Variants in WWOX observed in about 807,000 individuals in gnomAD.
WWOX encodes WW domain containing oxidoreductase.
Under a neutral mutation model 46.2 loss-of-function variants are expected in WWOX, and 69 were observed. The ratio of observed to expected loss-of-function variants is 1.49; its 90% confidence interval spans 1.23 to 1.82. The LOEUF (loss-of-function observed/expected upper bound fraction) is 1.82, where lower values mean the gene tolerates loss of function less well. Among genes scored for constraint, WWOX ranks in the 40% most tolerant of loss-of-function variants. The pLI is 0.00. For missense variants in WWOX, 919 were observed against 542.6 expected, an observed-to-expected ratio of 1.69 and a Z score of -6.89; for synonymous variants, 359 against 202.6, an observed-to-expected ratio of 1.77 and a Z score of -6.56.
intron 8 of WWOX, among the ~76,000 whole-genome samples, chr16:78,626,944 T>G (rs1323889591): frequency 1.3e-5 from 2 of 152,160 alleles, no homozygotes; most frequent in African/African-American, 4.8e-5. Context: ...TTGGCTCCTG[T>G]GTTCTTGTGA....
chr16:79,056,543 G>C (rs1222380288), intron 8 of WWOX, among the ~76,000 whole-genome samples: 1 of 152,068 alleles, frequency 6.6e-6, no homozygotes, highest in Admixed American at 6.6e-5. Flanking sequence ...CCAACATGTG[G>C]GGTTGGATAA....
chr16:78,416,791 A>G (rs2082806949), intron 6 of WWOX, among the ~76,000 whole-genome samples: 1 of 152,186 alleles, frequency 6.6e-6, no homozygotes, highest in Non-Finnish European at 1.5e-5. Context: ...GAGGAGAAAT[A>G]ACAATTATCT....
rs1402975035 is a variant in WWOX, at chr16:78,422,842, T to TAC, written c.606-2027_606-2026insCA. Among the ~76,000 whole-genome samples the TAC allele has an allele frequency of 2.2e-3, 170 of 76,296 alleles. 15 individuals carry two copies. Among genetic ancestry groups the TAC allele is most frequent in the African/African-American group, 8.0e-3 (139 of 17,350 alleles). 50.1% of individuals were successfully genotyped at this position (76,296 alleles called of 152,430 possible). ...ATACACACACATATATATATATACA[T>TAC]ATACACACACACACACACACACACA... On this transcript the variant is annotated intron_variant, in intron 6 of 8. Coordinates refer to ENST00000566780, the MANE Select transcript of WWOX (RefSeq NM_016373.4).
chr16:79,126,785 T>G (rs746384181), intron 8 of WWOX, among the ~76,000 whole-genome samples: 15 of 152,076 alleles, frequency 9.9e-5, no homozygotes, highest in Non-Finnish European at 1.9e-4. Flanking sequence ...TACATAAATT[T>G]AGACTCCATG....
intron 8 of WWOX, among the ~76,000 whole-genome samples, chr16:78,764,826 T>C (rs1392260852): frequency 3.3e-5 from 5 of 152,000 alleles, no homozygotes; most frequent in Non-Finnish European, 1.5e-5. Flanking sequence ...TCTCATTTGA[T>C]ATTGTTGCTC....
At chr16:78,518,303 C>T (rs1292105749) in intron 8 of WWOX, among the ~76,000 whole-genome samples, 4 of 152,144 alleles carry the variant, frequency 2.6e-5, no homozygotes, top group Admixed American at 6.5e-5. Context: ...GTGATCTCAA[C>T]TCACCGCAGC....
chr16:78,344,540 A>G (rs1223545859), intron 5 of WWOX, among the ~76,000 whole-genome samples: 3 of 120,822 alleles, frequency 2.5e-5, no homozygotes, highest in African/African-American at 8.4e-5. Flanking sequence ...TTTACCATGA[A>G]TGGGAATCTT....
chr16:78,274,450 C>T (rs957764428), intron 5 of WWOX, among the ~76,000 whole-genome samples: 1 of 152,262 alleles, frequency 6.6e-6, no homozygotes, highest in South Asian at 2.1e-4. Context: ...ATCCCTCTGG[C>T]CCGAAATTCC....
At chr16:78,861,910 C>G (rs988880924) in intron 8 of WWOX, among the ~76,000 whole-genome samples, 5 of 152,128 alleles carry the variant, frequency 3.3e-5, no homozygotes, top group Admixed American at 3.3e-4. Flanking sequence ...AAATTGCTTT[C>G]TGGTGATAAA....
intron 8 of WWOX, among the ~76,000 whole-genome samples, chr16:78,660,330 G>A (rs1052023250): frequency 6.6e-6 from 1 of 152,160 alleles, no homozygotes; most frequent in African/African-American, 2.4e-5. Context: ...GCAGACAGTG[G>A]TTCATTTTAT....
intron 8 of WWOX, among the ~76,000 whole-genome samples, chr16:78,787,222 T>G (rs532629929): frequency 2.0e-4 from 31 of 152,188 alleles, no homozygotes; most frequent in Non-Finnish European, 4.3e-4. Flanking sequence ...ATTCAGTGAC[T>G]TTTAATACGT....
intron 8 of WWOX, among the ~76,000 whole-genome samples, chr16:79,173,284 TCCATGTG>T (rs11281793): frequency 6.6e-5 from 10 of 150,680 alleles, no homozygotes; most frequent in East Asian, 5.9e-4. Flanking sequence ...ACCCTGCATG[TCCATGTG>T]CCATGTGCCA....
In WWOX at chr16:78,529,347, G is replaced by A. The variant is rs552015537; in HGVS notation, c.1056+96595G>A. On this transcript the variant is annotated intron_variant, in intron 8 of 8. Coordinates refer to ENST00000566780, the MANE Select transcript of WWOX (RefSeq NM_016373.4). ...TTCTCACATAACCTCATAGAAGTGAGCCCTCTTACTGAATTATGTGGCTGG... is the reference window on the plus strand; with the variant it reads ...TTCTCACATAACCTCATAGAAGTGAACCCTCTTACTGAATTATGTGGCTGG... Among the ~76,000 whole-genome samples the A allele has an allele frequency of 5.3e-5, 8 of 152,264 alleles. No individual in the cohort carries two copies. The South Asian group carries it at 1.7e-3, about 32-fold the overall frequency.
intron 8 of WWOX, among the ~76,000 whole-genome samples, chr16:78,989,910 C>T (rs1000639583): frequency 2.7e-5 from 4 of 150,786 alleles, no homozygotes; most frequent in African/African-American, 7.3e-5. Flanking sequence ...ATTCCAGGTA[C>T]AGTGGCTCAT....
intron 6 of WWOX, among the ~76,000 whole-genome samples, chr16:78,421,355 TAGTC>T (rs775962882): frequency 7.9e-5 from 12 of 152,238 alleles, no homozygotes; most frequent in South Asian, 4.2e-4. Context: ...GCTTTTATCT[TAGTC>T]AGTCTAATCT....
chr16:78,711,853 G>A (rs899741657), intron 8 of WWOX, among the ~76,000 whole-genome samples: 6 of 152,064 alleles, frequency 3.9e-5, no homozygotes, highest in Admixed American at 2.0e-4. Context: ...CAATTATTCC[G>A]TAAACACATC....
chr16:79,065,087 C>T (rs1289354313), intron 8 of WWOX, among the ~76,000 whole-genome samples: 2 of 152,126 alleles, frequency 1.3e-5, no homozygotes, highest in Admixed American at 1.3e-4. Context: ...CTCCACTTCC[C>T]ACCTTACTTA....
intron 8 of WWOX, among the ~76,000 whole-genome samples, chr16:79,111,156 C>G (rs2049408914): frequency 6.6e-6 from 1 of 152,162 alleles, no homozygotes; most frequent in Admixed American, 6.5e-5. Context: ...TGTAAGTATT[C>G]CACAAAGTTA....
At chr16:78,778,219 C>G (rs367631656) in intron 8 of WWOX, among the ~76,000 whole-genome samples, 1 of 152,006 alleles carries the variant, frequency 6.6e-6, no homozygotes, top group Non-Finnish European at 1.5e-5. Context: ...ACCAGGCAGC[C>G]TATTTCTTGA....
Sources: allele counts gnomAD v4.1 joint callset (sites outside exome capture counted in the v4.1 genomes callset), GRCh38; gene constraint gnomAD v4.1.1; transcripts MANE v1.5; gene names NCBI Gene and HGNC (gene_info 2026-07-23, HGNC 2026-07-21).